The following ZDHHC7 variants were observed in gnomAD, a reference collection of about 807,000 sequenced individuals.
ZDHHC7 encodes the protein palmitoyltransferase ZDHHC7.
In ZDHHC7, 12 loss-of-function variants were observed where a neutral mutation model predicts 34.1. The observed-to-expected ratio is 0.35, with a 90% confidence interval of 0.23 to 0.57. ZDHHC7 has a LOEUF of 0.57. ZDHHC7 is among the 20% of genes least tolerant of loss of function. The pLI, the probability that ZDHHC7 is intolerant of heterozygous loss-of-function variation, is 0.84. For missense variants in ZDHHC7, 388 were observed against 402.7 expected (o/e 0.96, Z 0.31); for synonymous variants, 185 against 155.4 (o/e 1.19, Z -1.42).
In ZDHHC7 at chr16:84,983,342, G is replaced by A. The variant is rs138893685; in HGVS notation, c.316-1348C>T. ...GAGCTCCTTAAAATGCAGGTGCCTC[G>A]CTGGGCTCCGGAGCCACAGATCTGA... is the stretch of plus-strand genomic sequence containing the variant. On this transcript the variant is annotated intron_variant, in intron 3 of 7. Coordinates refer to ENST00000313732, the MANE Select transcript of ZDHHC7 (RefSeq NM_017740.3). 2.0e-3 allele frequency among the ~76,000 whole-genome samples: 309 copies of A among 152,296 alleles called. 1 individual carries two copies. Among genetic ancestry groups the A allele is most frequent in the African/African-American group, 7.1e-3 (297 of 41,566 alleles).
intron 2 of ZDHHC7, among the ~76,000 whole-genome samples, chr16:84,994,894 C>T (rs987991226): frequency 7.9e-5 from 12 of 152,152 alleles, no homozygotes; most frequent in Admixed American, 6.5e-5. Flanking sequence ...CTCTCAGTAA[C>T]ACAGTGCACT....
intron 1 of ZDHHC7, among the ~76,000 whole-genome samples, chr16:85,000,249 T>C (rs1483482605): frequency 6.6e-6 from 1 of 152,176 alleles, no homozygotes; most frequent in African/African-American, 2.4e-5. Flanking sequence ...GCCGGTGTGA[T>C]AGTGCAAGGG....
intron 1 of ZDHHC7, among the ~76,000 whole-genome samples, chr16:84,996,667 G>T (rs28539687): frequency 1.3e-5 from 2 of 151,858 alleles, no homozygotes; most frequent in African/African-American, 4.8e-5. Context: ...CCCTAAGTCA[G>T]GGGCCACAGG....
At chr16:85,013,685 T>A (rs1052762106), upstream of ZDHHC7, among the ~76,000 whole-genome samples, 1 of 151,938 alleles carries the variant, frequency 6.6e-6, no homozygotes, top group Non-Finnish European at 1.5e-5. Flanking sequence ...TAATTTGTGT[T>A]TTTTTGTTTT....
At chr16:84,996,917 C>T (rs2072586211) in intron 1 of ZDHHC7, among the ~76,000 whole-genome samples, 1 of 151,766 alleles carries the variant, frequency 6.6e-6, no homozygotes, top group African/African-American at 2.4e-5. Flanking sequence ...ATCCCAGCTA[C>T]TCGGGAGGCT....
intron 3 of ZDHHC7, 119 bp downstream of exon 3, chr16:84,990,185 T>C: frequency 2.4e-6 from 3 of 1,230,560 alleles, no homozygotes; most frequent in Non-Finnish European, 3.4e-6. Context: ...AATCCACCTT[T>C]CTTGTTCCAC....
rs577343817 is a variant in ZDHHC7 at position 84,997,891 on chromosome 16, C to G, written c.-103-1884G>C. Among the ~76,000 whole-genome samples the G allele has an allele frequency of 6.2e-5, 6 of 97,454 alleles. No homozygotes were observed. In the East Asian group the frequency reaches 2.0e-3, roughly 32 times the overall value. The allele number at this position is 97,454 out of a possible 152,430, so 63.9% of individuals were successfully genotyped here. A position where few individuals can be genotyped will look rare whatever the true frequency, so the allele number is the denominator to read the frequency against. ...CAGCCTGGGCGACAGAGCGAGACTC[C>G]GTCTAAAAAAAAAAAAAAAAAAAAA... On this transcript the variant is annotated intron_variant, in intron 1 of 7. Transcript: ENST00000313732.
the ZDHHC7 span, among the ~76,000 whole-genome samples, chr16:85,023,999 C>T: frequency 1.3e-5 from 2 of 152,162 alleles, no homozygotes; most frequent in African/African-American, 4.8e-5. Flanking sequence ...CTCACTGCAA[C>T]CTCCACCTCC....
At chr16:85,018,251 A>G in the ZDHHC7 span, among the ~76,000 whole-genome samples, 1 of 152,162 alleles carries the variant, frequency 6.6e-6, no homozygotes, top group Non-Finnish European at 1.5e-5. Flanking sequence ...AGGAAGACAC[A>G]AAAGAGTACA....
chr16:84,995,043 T>C (rs1046706434), intron 2 of ZDHHC7, among the ~76,000 whole-genome samples: 1 of 152,154 alleles, frequency 6.6e-6, no homozygotes, highest in Non-Finnish European at 1.5e-5. Context: ...GGTATTAAAA[T>C]GTACACATTC....
chr16:84,993,802 C>G (rs897836970), intron 2 of ZDHHC7, among the ~76,000 whole-genome samples: 2 of 152,204 alleles, frequency 1.3e-5, no homozygotes, highest in African/African-American at 4.8e-5. Context: ...TCAACATCCC[C>G]TGCAAACACC....
At chr16:84,990,682 A>G (rs1411283767) in intron 2 of ZDHHC7, 47 bp from the exon 3 acceptor site, 2 of 1,499,782 alleles carry the variant, frequency 1.3e-6, no homozygotes, top group Non-Finnish European at 1.8e-6. Context: ...AAAAGCTCAC[A>G]AGCTACCTTA....
chr16:85,007,780 G>A (rs1243170240), intron 1 of ZDHHC7, among the ~76,000 whole-genome samples: 1 of 152,056 alleles, frequency 6.6e-6, no homozygotes, highest in African/African-American at 2.4e-5. Flanking sequence ...CAATGGCAAA[G>A]CACAGTAGTA....
At chr16:84,987,965 C>A (rs892451753) in intron 3 of ZDHHC7, among the ~76,000 whole-genome samples, 1 of 152,128 alleles carries the variant, frequency 6.6e-6, no homozygotes, top group Admixed American at 6.5e-5. Context: ...GTCAGGAGAT[C>A]GAGACCATCC....
chr16:84,981,820 C>T lies in ZDHHC7; in HGVS notation c.440+50G>A, dbSNP rs113035589. ...CACTCTGGTTTAATACAGCAGCACA[C>T]GTACCCGCAGTGGCGGATGCGCTCG... is the stretch of plus-strand genomic sequence containing the variant. On this transcript the variant is annotated intron_variant, in intron 4 of 7. Coordinates refer to ENST00000313732, the MANE Select transcript of ZDHHC7 (RefSeq NM_017740.3). The T allele has an allele frequency of 4.8e-4, 769 of 1,611,962 alleles. 4 individuals are homozygous for T. The African/African-American group carries it at 8.4e-3, about 18-fold the overall frequency.
chr16:85,022,481 C>G, the ZDHHC7 span, among the ~76,000 whole-genome samples: 1 of 152,112 alleles, frequency 6.6e-6, no homozygotes, highest in South Asian at 2.1e-4. Flanking sequence ...TGAGATTGCG[C>G]CACTGGACTC....
intron 1 of ZDHHC7, among the ~76,000 whole-genome samples, chr16:85,008,783 C>T (rs1194648226): frequency 2.0e-5 from 3 of 151,480 alleles, no homozygotes; most frequent in African/African-American, 7.3e-5. Flanking sequence ...CAGTGGCTCA[C>T]GCCTGTAATC....
chr16:84,981,762 T>A, intron 4 of ZDHHC7, 108 bp downstream of exon 4: 1 of 1,582,906 alleles, frequency 6.3e-7, no homozygotes, highest in Non-Finnish European at 8.6e-7. Flanking sequence ...GTTGCCCAGA[T>A]GCTCGGGGGC....
chr16:84,995,120 G>T (rs956119270), intron 2 of ZDHHC7, among the ~76,000 whole-genome samples: 13 of 152,154 alleles, frequency 8.5e-5, no homozygotes, highest in Non-Finnish European at 1.0e-4. Flanking sequence ...TCATACTCAA[G>T]ACAGTTTCTG....
Sources: allele counts gnomAD v4.1 joint callset (sites outside exome capture counted in the v4.1 genomes callset), GRCh38; gene constraint gnomAD v4.1.1; transcripts MANE v1.5; gene names NCBI Gene and HGNC (gene_info 2026-07-23, HGNC 2026-07-21).